Variants in RPRD2 observed in about 807,000 individuals in gnomAD.
The protein encoded by RPRD2 is regulation of nuclear pre-mRNA domain containing 2, also known as regulation of nuclear pre-mRNA domain-containing protein 2.
In RPRD2, 12 loss-of-function variants were observed where a neutral mutation model predicts 104.4. The ratio of observed to expected loss-of-function variants is 0.11; its 90% confidence interval spans 0.07 to 0.19. The LOEUF is 0.19. RPRD2 is among the 10% of genes least tolerant of loss of function. The pLI is 1.00. For synonymous variants in RPRD2, 714 were observed against 684.9 expected, an observed-to-expected ratio of 1.04 and a Z score of -0.66; for missense variants, 1,543 against 1,790.1, an observed-to-expected ratio of 0.86 and a Z score of 2.49.
chr1:150,444,168 TTTTG>T, intron 5 of RPRD2, 79 bp from the exon 6 acceptor site: 2 of 1,408,020 alleles, frequency 1.4e-6, no homozygotes, highest in South Asian at 2.6e-5. Context: ...TTTTGTTTTG[TTTTG>T]TTTTACAAAA....
intron 2 of RPRD2, among the ~76,000 whole-genome samples, chr1:150,431,671 G>T (rs9436004): frequency 7.7e-5 from 4 of 52,208 alleles, no homozygotes; most frequent in Non-Finnish European, 1.8e-4. Context: ...AGTAGAGACA[G>T]GGGTTCACCA....
At chr1:150,385,337 C>T (rs1255190723) in intron 1 of RPRD2, among the ~76,000 whole-genome samples, 1 of 151,812 alleles carries the variant, frequency 6.6e-6, no homozygotes, top group Non-Finnish European at 1.5e-5. Context: ...ATTAGTCGGG[C>T]GTGGTGGCAT....
intron 2 of RPRD2, among the ~76,000 whole-genome samples, chr1:150,418,134 A>G (rs1299311439): frequency 6.6e-6 from 1 of 151,876 alleles, no homozygotes; most frequent in African/African-American, 2.4e-5. Context: ...TGTCCGGCTA[A>G]TTTTTTGTAT....
chr1:150,458,592 G>A (rs1553898177), intron 8 of RPRD2, among the ~76,000 whole-genome samples: 1 of 152,084 alleles, frequency 6.6e-6, no homozygotes, highest in East Asian at 1.9e-4. Context: ...GATATATTAG[G>A]ATGAATAAAA....
chr1:150,445,365 G>C (rs1326137965), intron 6 of RPRD2, among the ~76,000 whole-genome samples: 2 of 152,084 alleles, frequency 1.3e-5, no homozygotes, highest in African/African-American at 2.4e-5. Flanking sequence ...CATATCCAAA[G>C]CCATATTCTG....
At chr1:150,440,371 A>G (rs900107394) in intron 2 of RPRD2, among the ~76,000 whole-genome samples, 1 of 152,204 alleles carries the variant, frequency 6.6e-6, no homozygotes, top group Non-Finnish European at 1.5e-5. Context: ...CCCAGCCAAC[A>G]TTGTTTAAAG....
intron 1 of RPRD2, among the ~76,000 whole-genome samples, chr1:150,416,224 G>A (rs1664317421): frequency 6.6e-6 from 1 of 152,040 alleles, no homozygotes; most frequent in African/African-American, 2.4e-5. Flanking sequence ...GAGTATGAGG[G>A]TTTTAATAAA....
intron 1 of RPRD2, among the ~76,000 whole-genome samples, chr1:150,403,792 G>C (rs909292742): frequency 1.3e-4 from 20 of 151,912 alleles, no homozygotes; most frequent in African/African-American, 2.7e-4. Context: ...GGCACTACTG[G>C]TGTGCTAATT....
intron 2 of RPRD2, among the ~76,000 whole-genome samples, chr1:150,436,210 G>A (rs1489579842): frequency 6.6e-6 from 1 of 151,792 alleles, no homozygotes; most frequent in Non-Finnish European, 1.5e-5. Flanking sequence ...GAGCTCTGAT[G>A]TATAAGGAGA....
chr1:150,399,590 C>T (rs1662813200), intron 1 of RPRD2, among the ~76,000 whole-genome samples: 1 of 151,956 alleles, frequency 6.6e-6, no homozygotes, highest in Non-Finnish European at 1.5e-5. Flanking sequence ...GACCTCATCT[C>T]TACTAAAAAT....
intron 10 of RPRD2, among the ~76,000 whole-genome samples, chr1:150,466,768 A>C (rs1178580365): frequency 1.3e-5 from 2 of 151,978 alleles, no homozygotes; most frequent in African/African-American, 4.8e-5. Context: ...TTTTTTCATA[A>C]ATCTTTCCTA....
intron 1 of RPRD2, among the ~76,000 whole-genome samples, chr1:150,414,673 T>A (rs1664206860): frequency 6.9e-6 from 1 of 145,164 alleles, no homozygotes. Context: ...TAAAAAAAAA[T>A]CTCCATTGAG....
At chr1:150,397,411 A>G (rs986310805) in intron 1 of RPRD2, among the ~76,000 whole-genome samples, 24 of 152,156 alleles carry the variant, frequency 1.6e-4, no homozygotes, top group Non-Finnish European at 2.6e-4. Flanking sequence ...ATGAATTTAT[A>G]ATTGTGTAGC....
At chr1:150,415,690 CAAAA>C in intron 1 of RPRD2, among the ~76,000 whole-genome samples, 1 of 151,810 alleles carries the variant, frequency 6.6e-6, no homozygotes, top group Non-Finnish European at 1.5e-5. Context: ...TCCAAATAAA[CAAAA>C]AACACAAAAA....
chr1:150,424,044 G>A (rs1204230076), intron 2 of RPRD2, among the ~76,000 whole-genome samples: 2 of 151,950 alleles, frequency 1.3e-5, no homozygotes, highest in African/African-American at 2.4e-5. Context: ...CACCCGCCTC[G>A]GCCTCCCAGA....
intron 1 of RPRD2, among the ~76,000 whole-genome samples, chr1:150,374,395 C>G: frequency 6.6e-6 from 1 of 152,154 alleles, no homozygotes; most frequent in East Asian, 1.9e-4. Flanking sequence ...TTATAATTAA[C>G]CAGTAAACGT....
intron 1 of RPRD2, among the ~76,000 whole-genome samples, chr1:150,368,205 G>GTTTTTTTTTTT (rs10572674): frequency 8.9e-6 from 1 of 112,742 alleles, no homozygotes; most frequent in Non-Finnish European, 1.8e-5. Context: ...CTTATTTCTT[G>GTTTTTTTTTTT]TTTTTTTTTT....
chr1:150,472,643 C>T lies in RPRD2; in HGVS notation c.3695C>T (p.Pro1232Leu). 1.2e-6 allele frequency: 2 copies of T among 1,613,804 alleles called. No homozygotes were observed. Among genetic ancestry groups the T allele is most frequent in the Non-Finnish European group, 1.7e-6 (2 of 1,179,726 alleles). Residue 1232 changes from proline to leucine, a missense_variant, in exon 11 of 11, where the codon CCC (proline) becomes CTC (leucine). Physicochemically the swap from Pro to Leu is moderately conservative, Grantham distance 98. Transcript: ENST00000369068. ...DHGGIFSRDA[P>L]THLPSVDLSN... Reference sequence around the variant, plus strand: ...GGTGGTATCTTCTCTCGAGATGCACCCACTCATCTACCCTCTGTGGATCTT... The same window carrying T: ...GGTGGTATCTTCTCTCGAGATGCACTCACTCATCTACCCTCTGTGGATCTT...
At chr1:150,390,358 G>C (rs141632642) in intron 1 of RPRD2, among the ~76,000 whole-genome samples, 1 of 152,112 alleles carries the variant, frequency 6.6e-6, no homozygotes, top group African/African-American at 2.4e-5. Context: ...TTAGCCAGGC[G>C]TGGTGGCACA....
Sources: gnomAD v4.1 joint callset for allele counts (sites outside exome capture counted in the v4.1 genomes callset) on GRCh38, gnomAD v4.1.1 for gene constraint, MANE v1.5 for transcripts, NCBI Gene and HGNC (gene_info 2026-07-23, HGNC 2026-07-21) for gene names.